Variants in FPR3 observed in about 807,000 individuals in gnomAD.
The protein encoded by FPR3 is N-formyl peptide receptor 3.
For synonymous variants in FPR3, 135 were observed against 163.6 expected (o/e 0.83, Z 1.34); for missense variants, 346 against 443.2 (o/e 0.78, Z 1.97).
Position 51,801,502 on chromosome 19 carries a change from C to T in FPR3, c.-11+6171C>T, listed in dbSNP as rs182974527. ...TAACTTAACTTCTAACATTAGCGGC[C>T]GGACGCGGTGGCTCACGCCCGTAAT... On this transcript the variant is annotated intron_variant, in intron 1 of 1. Transcript: ENST00000339223. 1.8e-3 allele frequency among the ~76,000 whole-genome samples: 281 copies of T among 152,296 alleles called. 1 individual carries two copies. Among genetic ancestry groups the T allele is most frequent in the Non-Finnish European group, 3.3e-3 (226 of 68,030 alleles).
intron 1 of FPR3, among the ~76,000 whole-genome samples, chr19:51,802,101 T>C (rs2084029261): frequency 6.6e-6 from 1 of 152,028 alleles, no homozygotes; most frequent in East Asian, 1.9e-4. Flanking sequence ...AACAGCACCT[T>C]CAAGGATTAA....
At chr19:51,812,821 G>C (rs747999725) in intron 1 of FPR3, among the ~76,000 whole-genome samples, 22 of 152,228 alleles carry the variant, frequency 1.4e-4, no homozygotes, top group East Asian at 5.8e-4. Flanking sequence ...TGGATAATTT[G>C]TAAACAACAT....
chr19:51,808,274 A>G, intron 1 of FPR3, among the ~76,000 whole-genome samples: 2 of 152,270 alleles, frequency 1.3e-5, no homozygotes, highest in Middle Eastern at 6.8e-3. Context: ...CTTTATGGAG[A>G]ACTACTTTCT....
chr19:51,804,041 G>A (rs140152153), intron 1 of FPR3: 1 of 152,202 alleles, frequency 6.6e-6, no homozygotes, highest in Admixed American at 6.5e-5. Flanking sequence ...GAAGAAGAGT[G>A]TAAAGGGATC....
chr19:51,798,612 G>A (rs920725128), intron 1 of FPR3, among the ~76,000 whole-genome samples: 4 of 152,094 alleles, frequency 2.6e-5, no homozygotes, highest in African/African-American at 9.7e-5. Context: ...GGCTCTGTTC[G>A]GTCTGGTTTA....
chr19:51,797,984 C>G (rs368903380), intron 1 of FPR3, among the ~76,000 whole-genome samples: 4 of 139,758 alleles, frequency 2.9e-5, no homozygotes, highest in East Asian at 4.5e-4. Flanking sequence ...TGGGTTCAAG[C>G]GATTCCCCCA....
At chr19:51,818,620 C>T (rs1443775891) in intron 1 of FPR3, among the ~76,000 whole-genome samples, 1 of 152,108 alleles carries the variant, frequency 6.6e-6, no homozygotes, top group Non-Finnish European at 1.5e-5. Flanking sequence ...TATAAATATT[C>T]AGAAAGAGCC....
Position 51,816,608 on chromosome 19 carries a change from A to G in FPR3, c.-10-7131A>G, listed in dbSNP as rs76445473. On this transcript the variant is annotated intron_variant, in intron 1 of 1. Coordinates refer to ENST00000339223, the MANE Select transcript of FPR3 (RefSeq NM_002030.5). Reference sequence around the variant, plus strand: ...AGCAAAGTGATTTATTGTGTTCTGCATGCCATTCTAGCAAATTACAAAGCT... The same window carrying G: ...AGCAAAGTGATTTATTGTGTTCTGCGTGCCATTCTAGCAAATTACAAAGCT... Among the ~76,000 whole-genome samples the G allele has an allele frequency of 9.3e-3, 1,413 of 152,324 alleles. 23 individuals are homozygous for G. The highest frequency in any genetic ancestry group is 0.031 in the African/African-American group (1,277 of 41,580).
At chr19:51,805,625 G>C (rs1421866585) in intron 1 of FPR3, among the ~76,000 whole-genome samples, 3 of 152,188 alleles carry the variant, frequency 2.0e-5, no homozygotes, top group Non-Finnish European at 4.4e-5. Flanking sequence ...ACAGAACCAT[G>C]GATTTCAACA....
intron 1 of FPR3, among the ~76,000 whole-genome samples, chr19:51,807,991 A>G (rs773255416): frequency 1.4e-4 from 21 of 152,370 alleles, no homozygotes; most frequent in Non-Finnish European, 2.1e-4. Flanking sequence ...AACTGGCCCA[A>G]AAGTCCTGTT....
intron 1 of FPR3, among the ~76,000 whole-genome samples, chr19:51,803,299 C>T (rs1186682519): frequency 6.6e-6 from 1 of 152,144 alleles, no homozygotes; most frequent in Non-Finnish European, 1.5e-5. Context: ...CTCTCACTAA[C>T]AACTGCCTAA....
intron 1 of FPR3, among the ~76,000 whole-genome samples, chr19:51,819,139 T>C (rs2084168930): frequency 1.3e-5 from 2 of 152,178 alleles, no homozygotes; most frequent in African/African-American, 4.8e-5. Context: ...ACTGAATATT[T>C]AAACTCCAAA....
At chr19:51,810,816 T>G (rs1042831550) in intron 1 of FPR3, among the ~76,000 whole-genome samples, 3 of 152,136 alleles carry the variant, frequency 2.0e-5, no homozygotes, top group Non-Finnish European at 4.4e-5. Flanking sequence ...AACAACTTAC[T>G]CTAGTGGGGT....
chr19:51,819,809 G>A (rs994867613), intron 1 of FPR3, among the ~76,000 whole-genome samples: 2 of 152,202 alleles, frequency 1.3e-5, no homozygotes, highest in African/African-American at 4.8e-5. Context: ...TATGGGCCAA[G>A]ATTGGTTTCT....
chr19:51,799,722 C>G (rs532857302), intron 1 of FPR3, among the ~76,000 whole-genome samples: 1 of 152,320 alleles, frequency 6.6e-6, no homozygotes, highest in African/African-American at 2.4e-5. Context: ...AGGGCAGATC[C>G]TATTGTAATG....
Position 51,824,421 on chromosome 19 carries a change from G to A in FPR3, c.673G>A (p.Ala225Thr), listed in dbSNP as rs771806602. The stretch of plus-strand genomic sequence containing the variant: ...CATCACAGTCTGCTATGGGATCATC[G>A]CTGCCAAAATTCACAGAAACCACAT... ...SIITVCYGII[A>T]AKIHRNHMIK... The change falls in exon 2 of 2, where the codon GCT (alanine) becomes ACT (threonine). Residue 225 changes from alanine (A) to threonine (T), a missense_variant. Coordinates refer to ENST00000339223, the MANE Select transcript of FPR3 (RefSeq NM_002030.5). The surrounding 1 kb of genome is among the most constrained non-coding windows in gnomAD (Gnocchi z 4.7). 11 of 1,613,910 alleles carry A rather than the reference G, an allele frequency of 6.8e-6. No homozygotes were observed. Among genetic ancestry groups the A allele is most frequent in the South Asian group, 2.2e-5 (2 of 91,082 alleles).
chr19:51,800,075 G>C (rs1324175497), intron 1 of FPR3, among the ~76,000 whole-genome samples: 1 of 152,214 alleles, frequency 6.6e-6, no homozygotes, highest in African/African-American at 2.4e-5. Context: ...GCTTCAGTGT[G>C]TCAGTGAAGG....
intron 1 of FPR3, among the ~76,000 whole-genome samples, chr19:51,810,003 C>A (rs562211682): frequency 1.3e-5 from 2 of 152,150 alleles, no homozygotes; most frequent in Non-Finnish European, 2.9e-5. Flanking sequence ...TCCTCTGTTA[C>A]GCAAGGACAA....
At chr19:51,817,498 T>C (rs372596913) in intron 1 of FPR3, among the ~76,000 whole-genome samples, 2 of 150,356 alleles carry the variant, frequency 1.3e-5, no homozygotes, top group Admixed American at 1.3e-4. Flanking sequence ...TAAGTAACCA[T>C]GTCAGTCAAT....
Sources: gnomAD v4.1 joint callset for allele counts (sites outside exome capture counted in the v4.1 genomes callset) on GRCh38, gnomAD v4.1.1 for gene constraint, Gnocchi (gnomAD v3.1) non-coding constraint, MANE v1.5 for transcripts, NCBI Gene and HGNC (gene_info 2026-07-23, HGNC 2026-07-21) for gene names.